Variants in TEX26 observed in about 807,000 individuals in gnomAD.
TEX26 encodes the protein testis-expressed protein 26.
In TEX26, 34 loss-of-function variants were observed where a neutral mutation model predicts 35.3. The ratio of observed to expected loss-of-function variants is 0.96; its 90% confidence interval spans 0.73 to 1.28. The LOEUF (loss-of-function observed/expected upper bound fraction) is 1.28, where lower values mean the gene tolerates loss of function less well. Among genes scored for constraint, TEX26 ranks in the 50% most tolerant of loss-of-function variants. The pLI is 0.00. For missense variants in TEX26, 371 were observed against 330.1 expected, an observed-to-expected ratio of 1.12 and a Z score of -0.96; for synonymous variants, 136 against 111.8, an observed-to-expected ratio of 1.22 and a Z score of -1.36.
intron 2 of TEX26, among the ~76,000 whole-genome samples, chr13:30,940,523 G>C (rs1332925426): frequency 4.0e-5 from 6 of 151,366 alleles, no homozygotes; most frequent in African/African-American, 1.5e-4. Flanking sequence ...TTAGTAGAGA[G>C]AGGGTTTCAC....
intron 6 of TEX26, among the ~76,000 whole-genome samples, chr13:30,971,822 T>C (rs999381506): frequency 6.6e-6 from 1 of 152,188 alleles, no homozygotes; most frequent in African/African-American, 2.4e-5. Flanking sequence ...AGTCCACTTT[T>C]CCCCTAGTTG....
Position 30,974,956 on chromosome 13 carries a change from C to A in TEX26, c.*49C>A. On this transcript the variant is annotated 3_prime_UTR_variant, in exon 7 of 7. Transcript: ENST00000380473. Reference sequence around the variant, plus strand: ...GAAAATCTGAAAATCAATGGAAGCACGAGGACATTCCTAGTCATTTTCTCA... The same window carrying A: ...GAAAATCTGAAAATCAATGGAAGCAAGAGGACATTCCTAGTCATTTTCTCA... 7.8e-7 allele frequency: 1 copy of A among 1,274,116 alleles called. No homozygotes were observed. The highest frequency in any genetic ancestry group is 2.6e-5 in the East Asian group (1 of 38,236). 78.9% of individuals were successfully genotyped at this position (1,274,116 alleles called of 1,614,324 possible).
intron 3 of TEX26, among the ~76,000 whole-genome samples, chr13:30,953,785 C>T (rs1267050749): frequency 6.6e-6 from 1 of 152,172 alleles, no homozygotes; most frequent in Non-Finnish European, 1.5e-5. Context: ...ATTCCCTTCT[C>T]CCATCACAAA....
At chr13:30,946,504 G>A (rs1158507688) in intron 2 of TEX26, among the ~76,000 whole-genome samples, 1 of 151,910 alleles carries the variant, frequency 6.6e-6, no homozygotes, top group Non-Finnish European at 1.5e-5. Flanking sequence ...TTTTGGGGAT[G>A]TTATAGAACC....
Position 30,952,841 on chromosome 13 carries a change from CA to C in TEX26, c.312+17del. 1 of 1,606,394 alleles carries C rather than the reference CA, an allele frequency of 6.2e-7. No homozygotes were observed. Among genetic ancestry groups the C allele is most frequent in the Non-Finnish European group, 8.5e-7 (1 of 1,175,296 alleles). On this transcript the variant is annotated intron_variant, in intron 3 of 6. Coordinates refer to ENST00000380473, the MANE Select transcript of TEX26 (RefSeq NM_152325.3). ...TCTCAATGAAGTAAGATAATATCTA[CA>C]TATGTGTTGAATTTAATACTGTACT...
intron 3 of TEX26, among the ~76,000 whole-genome samples, chr13:30,954,255 A>AT (rs1406261059): frequency 7.1e-5 from 10 of 141,352 alleles, no homozygotes; most frequent in South Asian, 6.8e-4. Context: ...CCTGAAAAAA[A>AT]ATATATATAT....
rs775073161 is a variant in TEX26, at chr13:30,932,690, G to T, written c.-26G>T. 3.7e-6 allele frequency: 6 copies of T among 1,608,922 alleles called. No homozygotes were observed. In the African/African-American group the frequency reaches 5.3e-5, roughly 14 times the overall value. On this transcript the variant is annotated 5_prime_UTR_variant, in exon 1 of 7. Coordinates refer to ENST00000380473, the MANE Select transcript of TEX26 (RefSeq NM_152325.3). The stretch of plus-strand genomic sequence containing the variant: ...AAGCGCTGAGATAGCTGGAGCCAGG[G>T]CCCCGCGGCCGCCTCCTGGGGCAGA...
intron 4 of TEX26, 82 bp downstream of exon 4, chr13:30,957,111 T>C: frequency 7.1e-7 from 1 of 1,416,956 alleles, no homozygotes; most frequent in South Asian, 1.3e-5. Flanking sequence ...GCGTGTGTTC[T>C]TCTCCTTCAA....
chr13:30,956,292 T>A (rs886726621), intron 3 of TEX26, among the ~76,000 whole-genome samples: 3 of 151,834 alleles, frequency 2.0e-5, no homozygotes, highest in Admixed American at 6.5e-5. Context: ...TGCAATAGTT[T>A]GCTGAGAATG....
At chr13:30,952,959 T>C (rs1953987150) in intron 3 of TEX26, 134 bp downstream of exon 3, 4 of 760,694 alleles carry the variant, frequency 5.3e-6, no homozygotes, top group Non-Finnish European at 8.3e-6. Flanking sequence ...TTTTAGACTA[T>C]TTCCTGTCTA....
chr13:30,935,521 C>G (rs34582424), intron 1 of TEX26, among the ~76,000 whole-genome samples: 8 of 152,312 alleles, frequency 5.3e-5, no homozygotes, highest in African/African-American at 1.9e-4. Flanking sequence ...GGGAACCCCC[C>G]GCTGTAGAGG....
intron 2 of TEX26, among the ~76,000 whole-genome samples, chr13:30,948,813 G>C (rs1211608208): frequency 1.3e-5 from 2 of 152,072 alleles, no homozygotes; most frequent in Admixed American, 6.6e-5. Flanking sequence ...GAAGTCCTTG[G>C]CCATGTCTAT....
Position 30,932,772 on chromosome 13 carries a change from G to A in TEX26, c.57G>A (p.Gln19=), listed in dbSNP as rs972533889. The A allele has an allele frequency of 2.5e-6, 4 of 1,613,906 alleles. No homozygotes were observed. The highest frequency in any genetic ancestry group is 1.7e-5 in the Admixed American group (1 of 60,008). The change falls in exon 1 of 7, where the codon CAG becomes CAA. Residue 19 remains glutamine, a synonymous_variant. Transcript: ENST00000380473. The stretch of plus-strand genomic sequence containing the variant: ...CCTCTCTCTGCCACCACAACCTCCA[G>A]CCAAGTAAGACAGCAGACTCTGCCG... The part of the protein sequence containing the change: ...PDPSLCHHNL[Q]PTDDPNWDSY...
chr13:30,973,263 A>G (rs1175889551), intron 6 of TEX26: 1 of 152,246 alleles, frequency 6.6e-6, no homozygotes, highest in African/African-American at 2.4e-5. Flanking sequence ...GCTGAATGAA[A>G]GAAGCCAGAC....
chr13:30,946,277 GT>G (rs1305228903), intron 2 of TEX26, among the ~76,000 whole-genome samples: 1 of 151,784 alleles, frequency 6.6e-6, no homozygotes, highest in Non-Finnish European at 1.5e-5. Context: ...CCCTAAATGT[GT>G]CTTTCATTTC....
chr13:30,970,994 C>A (rs1404399485), intron 6 of TEX26, among the ~76,000 whole-genome samples: 1 of 152,204 alleles, frequency 6.6e-6, no homozygotes, highest in Non-Finnish European at 1.5e-5. Context: ...CTGGTTCCCT[C>A]AGGGCAGCAC....
chr13:30,932,814 T>A, intron 1 of TEX26, 38 bp downstream of exon 1: 2 of 1,604,646 alleles, frequency 1.2e-6, no homozygotes, highest in South Asian at 1.1e-5. Flanking sequence ...GGGGCGGGGC[T>A]GGGGTCTTTC....
At chr13:30,963,726 T>C (rs1954431993) in intron 4 of TEX26, among the ~76,000 whole-genome samples, 1 of 152,248 alleles carries the variant, frequency 6.6e-6, no homozygotes, top group South Asian at 2.1e-4. Flanking sequence ...CTCTTTGTAG[T>C]CTGCAAAACT....
intron 5 of TEX26, among the ~76,000 whole-genome samples, chr13:30,966,670 G>A (rs1325808929): frequency 1.3e-5 from 2 of 152,064 alleles, no homozygotes; most frequent in African/African-American, 4.8e-5. Flanking sequence ...AACTCCTGGT[G>A]TCAGGTGATC....
Sources: allele counts gnomAD v4.1 joint callset (sites outside exome capture counted in the v4.1 genomes callset), GRCh38; gene constraint gnomAD v4.1.1; transcripts MANE v1.5; gene names NCBI Gene and HGNC (gene_info 2026-07-23, HGNC 2026-07-21).